Variants in UPF2 observed in about 807,000 individuals in gnomAD.
UPF2 encodes the protein UPF2 regulator of nonsense mediated mRNA decay, also known as regulator of nonsense transcripts 2.
Under a neutral mutation model 141.4 loss-of-function variants are expected in UPF2, and 17 were observed. That is an observed-to-expected ratio of 0.12 (90% CI 0.08 to 0.18). The LOEUF (loss-of-function observed/expected upper bound fraction) is 0.18. Ranked by LOEUF, UPF2 falls within the 10% of genes least tolerant of loss-of-function variation. The pLI, the probability that UPF2 is intolerant of heterozygous loss-of-function variation, is 1.00. For missense variants in UPF2, 1,152 were observed against 1,515.9 expected (o/e 0.76, Z 3.99); for synonymous variants, 540 against 498.0 (o/e 1.08, Z -1.12).
At chr10:12,018,848 T>C (rs1386598254) in intron 3 of UPF2, among the ~76,000 whole-genome samples, 7 of 152,376 alleles carry the variant, frequency 4.6e-5, no homozygotes, top group Non-Finnish European at 1.5e-5. Context: ...TGTCAGGGTA[T>C]TTTTTGTAAC....
intron 16 of UPF2, among the ~76,000 whole-genome samples, chr10:11,946,699 C>T (rs1320931445): frequency 6.6e-6 from 1 of 152,142 alleles, no homozygotes; most frequent in Non-Finnish European, 1.5e-5. Flanking sequence ...CCCAATCTAC[C>T]TCGAGATTAT....
chr10:11,952,686 G>C (rs1301351206), intron 14 of UPF2, among the ~76,000 whole-genome samples: 3 of 151,912 alleles, frequency 2.0e-5, no homozygotes, highest in Non-Finnish European at 2.9e-5. Flanking sequence ...GTGTTAGCCA[G>C]GATGTTCTCA....
chr10:11,934,803 T>G (rs1832827763), intron 19 of UPF2, among the ~76,000 whole-genome samples: 1 of 152,146 alleles, frequency 6.6e-6, no homozygotes, highest in African/African-American at 2.4e-5. Context: ...TTGGTCAGGC[T>G]GGTCTTGAAT....
chr10:11,935,813 A>C lies in UPF2; in HGVS notation c.3546+732T>G, dbSNP rs1832842000. ...AGTGATGCTCAATAGTTGACAAATC[A>C]ACTATGGATCGCTAGAGTAACAGCT... On this transcript the variant is annotated intron_variant, in intron 19 of 21. Transcript: ENST00000357604. This position sits in a 1 kb window ranked among gnomAD's most constrained non-coding sequence, Gnocchi z 4.9. Among the ~76,000 whole-genome samples the C allele has an allele frequency of 6.6e-6, 1 of 152,194 alleles. No individual in the cohort carries two copies. The highest frequency in any genetic ancestry group is 1.5e-5 in the Non-Finnish European group (1 of 68,034).
At chr10:11,951,692 T>C (rs533426425) in intron 15 of UPF2, among the ~76,000 whole-genome samples, 2 of 152,346 alleles carry the variant, frequency 1.3e-5, no homozygotes, top group East Asian at 3.9e-4. Context: ...GCTTGCACTT[T>C]CTAGGAAATA....
At chr10:11,922,360 A>T (rs551045531) in intron 21 of UPF2, among the ~76,000 whole-genome samples, 1 of 152,366 alleles carries the variant, frequency 6.6e-6, no homozygotes, top group African/African-American at 2.4e-5. Context: ...CAAAGCGTTA[A>T]GATGCAAATA....
chr10:11,965,681 G>A (rs987870750), intron 10 of UPF2, among the ~76,000 whole-genome samples: 1 of 151,994 alleles, frequency 6.6e-6, no homozygotes, highest in Non-Finnish European at 1.5e-5. Flanking sequence ...GGATGGTCTC[G>A]ATCTCCTGAC....
intron 4 of UPF2, among the ~76,000 whole-genome samples, chr10:12,012,636 A>G (rs1333361164): frequency 6.6e-6 from 1 of 151,814 alleles, no homozygotes; most frequent in East Asian, 2.0e-4. Flanking sequence ...CGTCTCTACT[A>G]AAAACACAAA....
At chr10:11,970,818 T>A (rs564664593) in intron 9 of UPF2, among the ~76,000 whole-genome samples, 116 of 151,556 alleles carry the variant, frequency 7.7e-4, no homozygotes, top group Non-Finnish European at 1.3e-3. Context: ...ACTCAAAAAA[T>A]AAATAAATAA....
Position 11,959,442 on chromosome 10 carries a change from C to T in UPF2, c.2185-86G>A. On this transcript the variant is annotated intron_variant, in intron 11 of 21. Transcript: ENST00000357604. The surrounding 1 kb of genome is among the most constrained non-coding windows in gnomAD (Gnocchi z 5.9). ...CTAAACTTCTATTCTCAGTGATTTG[C>T]TATTTCAAAGTAATGGGTTAGAAAG... The T allele has an allele frequency of 2.9e-6, 4 of 1,397,170 alleles. No individual in the cohort carries two copies. Among genetic ancestry groups the T allele is most frequent in the South Asian group, 3.1e-5 (2 of 64,412 alleles). 86.5% of individuals were successfully genotyped at this position (1,397,170 alleles called of 1,614,324 possible).
In UPF2 at chr10:12,038,914, G is replaced by A. The variant is rs189893522; in HGVS notation, c.-18-3473C>T. Among the ~76,000 whole-genome samples the A allele has an allele frequency of 3.9e-3, 596 of 151,746 alleles. 2 individuals carry two copies. Among genetic ancestry groups the A allele is most frequent in the African/African-American group, 0.014 (569 of 41,444 alleles). ...CCGGGCTCAAGGGATCCATCCTCCC[G>A]CCTCGGCCTTCCAAAGTGCTAGGAT... On this transcript the variant is annotated intron_variant, in intron 1 of 21. Transcript: ENST00000357604.
chr10:12,017,597 C>A (rs1011906939), intron 3 of UPF2, among the ~76,000 whole-genome samples: 12 of 152,172 alleles, frequency 7.9e-5, no homozygotes, highest in African/African-American at 2.9e-4. Context: ...CCCCTTAATT[C>A]CATGATCAAA....
At chr10:11,972,245 C>G (rs1833431317) in intron 9 of UPF2, among the ~76,000 whole-genome samples, 1 of 152,142 alleles carries the variant, frequency 6.6e-6, no homozygotes, top group African/African-American at 2.4e-5. Flanking sequence ...GATTTTCTAT[C>G]TTCCATAATT....
At position 11,964,058 on chromosome 10, in the gene UPF2, C is replaced by T. The variant is rs937470142; in HGVS notation, c.2135G>A (p.Arg712Gln). 1.9e-6 allele frequency: 3 copies of T among 1,613,938 alleles called. No homozygotes were observed. Among genetic ancestry groups the T allele is most frequent in the Admixed American group, 1.7e-5 (1 of 60,022 alleles). ...AGATTCTGGAGATCTGAAAAGAAACCGTCCACATGTCTCCAGCAGGGTGCA... is the reference window on the plus strand; with the variant it reads ...AGATTCTGGAGATCTGAAAAGAAACTGTCCACATGTCTCCAGCAGGGTGCA... The part of the protein sequence containing the change: ...MACTLLETCG[R>Q]FLFRSPESHL... The change falls in exon 11 of 22, where the codon CGG becomes CAG. Residue 712 changes from arginine to glutamine, a missense_variant. Arg to Gln is a conservative substitution (Grantham distance 43, BLOSUM62 1). Coordinates refer to ENST00000357604, the MANE Select transcript of UPF2 (RefSeq NM_015542.4).
At chr10:12,003,909 C>A (rs1349497753) in intron 5 of UPF2, among the ~76,000 whole-genome samples, 4 of 45,736 alleles carry the variant, frequency 8.7e-5, no homozygotes, top group Admixed American at 3.7e-4. Flanking sequence ...TGGACAAGAG[C>A]AAAAACTCCG....
intron 4 of UPF2, among the ~76,000 whole-genome samples, chr10:12,008,305 A>G (rs1475994528): frequency 6.6e-6 from 1 of 152,144 alleles, no homozygotes; most frequent in Non-Finnish European, 1.5e-5. Flanking sequence ...TTTAAAAATT[A>G]AGAACTGCAA....
Position 11,992,622 on chromosome 10 carries a change from T to G in UPF2, c.1844+5050A>C, listed in dbSNP as rs1164009237. On this transcript the variant is annotated intron_variant, in intron 8 of 21. Transcript: ENST00000357604. The surrounding 1 kb of genome is among the most constrained non-coding windows in gnomAD (Gnocchi z 4.1). ...TATAAAAGACCACATAATGAAAGAC[T>G]TTTAGGAATTAAACCAAAAAGGAAA... Among the ~76,000 whole-genome samples the G allele has an allele frequency of 6.6e-6, 1 of 152,100 alleles. No individual in the cohort carries two copies. The highest frequency in any genetic ancestry group is 2.4e-5 in the African/African-American group (1 of 41,438).
At chr10:12,020,126 C>T (rs911311423) in intron 3 of UPF2, among the ~76,000 whole-genome samples, 2 of 152,034 alleles carry the variant, frequency 1.3e-5, no homozygotes, top group Non-Finnish European at 1.5e-5. Flanking sequence ...TTCATTAATG[C>T]CTAAAAAATT....
At position 11,980,942 on chromosome 10, in the gene UPF2, C is replaced by T. The variant is rs1833581434; in HGVS notation, c.1845-1777G>A. On this transcript the variant is annotated intron_variant, in intron 8 of 21. Transcript: ENST00000357604. The surrounding 1 kb of genome is among the most constrained non-coding windows in gnomAD (Gnocchi z 4.2). The stretch of plus-strand genomic sequence containing the variant: ...GGCATGGTGGTCAATAATCCCAGCA[C>T]TTTGGCAGGCTGAGACAGGTGGATC... Among the ~76,000 whole-genome samples, 1 of 152,092 alleles carries T rather than the reference C, an allele frequency of 6.6e-6. No individual in the cohort carries two copies. Among genetic ancestry groups the T allele is most frequent in the African/African-American group, 2.4e-5 (1 of 41,408 alleles).
Sources: gnomAD v4.1 joint callset for allele counts (sites outside exome capture counted in the v4.1 genomes callset) on GRCh38, gnomAD v4.1.1 for gene constraint, Gnocchi (gnomAD v3.1) non-coding constraint, MANE v1.5 for transcripts, NCBI Gene and HGNC (gene_info 2026-07-23, HGNC 2026-07-21) for gene names.